ZBTB20: variants seen among roughly 807,000 people sequenced by gnomAD.
The protein encoded by ZBTB20 is zinc finger and BTB domain-containing protein 20.
In ZBTB20, 9 loss-of-function variants were observed where a neutral mutation model predicts 56.9. That is an observed-to-expected ratio of 0.16 (90% CI 0.10 to 0.28). The LOEUF is 0.28. Ranked by LOEUF, ZBTB20 falls within the 10% of genes least tolerant of loss-of-function variation. The pLI, the probability that ZBTB20 is intolerant of heterozygous loss-of-function variation, is 1.00. For missense variants in ZBTB20, 655 were observed against 1,003.0 expected, an observed-to-expected ratio of 0.65 and a Z score of 4.69; for synonymous variants, 417 against 420.7, an observed-to-expected ratio of 0.99 and a Z score of 0.11.
At chr3:115,067,409 T>C (rs1338208165) in intron 2 of ZBTB20, among the ~76,000 whole-genome samples, 2 of 152,012 alleles carry the variant, frequency 1.3e-5, no homozygotes, top group Admixed American at 1.3e-4. Context: ...AATTTATATA[T>C]ATACACACAT....
chr3:114,584,368 A>G (rs1013025595), intron 6 of ZBTB20, among the ~76,000 whole-genome samples: 4 of 152,328 alleles, frequency 2.6e-5, no homozygotes, highest in Middle Eastern at 3.4e-3. Context: ...ACACAAAATC[A>G]TTATGGAAAT....
chr3:114,339,150 C>G lies in ZBTB20; in HGVS notation c.2081G>C (p.Gly694Ala). ...GCCAGCGCGGGCACCTGGGGGTGTG[C>G]CTGCAGGGGGGGTCCCATTGCTGGC... Reference protein sequence around the residue: ...HSASNGTPPAGTPPGARAGPP... With the variant: ...HSASNGTPPAATPPGARAGPP... Residue 694 changes from glycine (G) to alanine (A), a missense_variant, in exon 12 of 12, where the codon GGC becomes GCC. Around this residue, in one of 10 missense-constraint regions of ZBTB20, gnomAD observed 89 missense variants for 79.7 expected, o/e 1.12. Transcript: ENST00000675478. The surrounding 1 kb of genome is among the most constrained non-coding windows in gnomAD (Gnocchi z 4.2). 1 of 1,613,702 alleles carries G rather than the reference C, an allele frequency of 6.2e-7. No homozygotes were observed. The highest frequency in any genetic ancestry group is 8.5e-7 in the Non-Finnish European group (1 of 1,179,636).
chr3:114,706,312 T>C (rs2063713406), intron 5 of ZBTB20, among the ~76,000 whole-genome samples: 1 of 152,148 alleles, frequency 6.6e-6, no homozygotes, highest in Admixed American at 6.5e-5. Flanking sequence ...TTATTGTATA[T>C]TTAAGAAGTC....
At chr3:114,911,517 A>AT (rs938081349) in intron 3 of ZBTB20, among the ~76,000 whole-genome samples, 3 of 152,062 alleles carry the variant, frequency 2.0e-5, no homozygotes, top group African/African-American at 7.2e-5. Context: ...ACCACAAAAT[A>AT]TAATTAGGAA....
At position 114,316,862 on chromosome 3, in the gene ZBTB20, T is replaced by C; in HGVS notation, c.*22143A>G. The C allele has an allele frequency of 4.5e-6, 1 of 223,648 alleles. No homozygotes were observed. The highest frequency in any genetic ancestry group is 5.2e-5 in the South Asian group (1 of 19,248). The allele number at this position is 223,648 out of a possible 1,614,324, so 13.9% of individuals were successfully genotyped here. A position where few individuals can be genotyped will look rare whatever the true frequency, so the allele number is the denominator to read the frequency against. On this transcript the variant is annotated 3_prime_UTR_variant, in exon 12 of 12. Transcript: ENST00000675478. Reference sequence around the variant, plus strand: ...ATGGACATTCTGGACTCCGGGCACCTTAGCAGCAGCAGCAGCACCTTTATG... The same window carrying C: ...ATGGACATTCTGGACTCCGGGCACCCTAGCAGCAGCAGCAGCACCTTTATG...
chr3:114,787,384 CACACACACAT>C (rs1352075641), intron 5 of ZBTB20, among the ~76,000 whole-genome samples: 2 of 144,844 alleles, frequency 1.4e-5, no homozygotes, highest in African/African-American at 5.2e-5. Context: ...CACACACACA[CACACACACAT>C]ATATATACAT....
chr3:114,483,251 T>G (rs552603023), intron 7 of ZBTB20, among the ~76,000 whole-genome samples: 3 of 152,260 alleles, frequency 2.0e-5, no homozygotes, highest in Admixed American at 6.5e-5. Flanking sequence ...CATAATGATG[T>G]CTTCCTCATA....
At chr3:115,017,808 T>C (rs759548080) in intron 2 of ZBTB20, among the ~76,000 whole-genome samples, 1 of 151,540 alleles carries the variant, frequency 6.6e-6, no homozygotes, top group African/African-American at 2.4e-5. Flanking sequence ...GAAGGATGCC[T>C]CATGGATCTT....
chr3:114,799,848 AC>A (rs2071589064), intron 5 of ZBTB20, among the ~76,000 whole-genome samples: 1 of 151,968 alleles, frequency 6.6e-6, no homozygotes, highest in Non-Finnish European at 1.5e-5. Context: ...TCATCGCTTA[AC>A]AAAAATGAAC....
chr3:114,389,296 A>G (rs764548646), intron 7 of ZBTB20, among the ~76,000 whole-genome samples, 191 bp from the exon 8 acceptor site: 3 of 152,116 alleles, frequency 2.0e-5, no homozygotes, highest in Non-Finnish European at 4.4e-5. Context: ...CTCCATTTTC[A>G]GTGCTTTCAC....
chr3:114,892,699 G>A (rs2076863436), intron 4 of ZBTB20, among the ~76,000 whole-genome samples: 1 of 152,148 alleles, frequency 6.6e-6, no homozygotes, highest in Non-Finnish European at 1.5e-5. Flanking sequence ...CCACATGCCA[G>A]CTACAGCTGC....
intron 7 of ZBTB20, among the ~76,000 whole-genome samples, chr3:114,484,577 T>C (rs2041902199): frequency 6.6e-6 from 1 of 152,180 alleles, no homozygotes; most frequent in South Asian, 2.1e-4. Context: ...GATACATACA[T>C]TAAGTTCTGC....
intron 7 of ZBTB20, among the ~76,000 whole-genome samples, chr3:114,419,961 G>A (rs370248486): frequency 1.2e-4 from 19 of 152,264 alleles, no homozygotes; most frequent in African/African-American, 4.6e-4. Context: ...CGCTCTCTGA[G>A]TTAGTGACAG....
intron 2 of ZBTB20, among the ~76,000 whole-genome samples, chr3:114,980,586 A>G (rs2078285963): frequency 6.6e-6 from 1 of 150,704 alleles, no homozygotes; most frequent in Non-Finnish European, 1.5e-5. Flanking sequence ...TCACTCCACC[A>G]TGAGCAGAAA....
intron 1 of ZBTB20, among the ~76,000 whole-genome samples, chr3:115,122,374 A>G (rs986379820): frequency 1.3e-5 from 2 of 152,064 alleles, no homozygotes; most frequent in African/African-American, 4.8e-5. Flanking sequence ...ATGGACAGCG[A>G]CCGTCTAATT....
chr3:114,546,471 TC>T (rs1043708794), intron 6 of ZBTB20, among the ~76,000 whole-genome samples: 1 of 151,976 alleles, frequency 6.6e-6, no homozygotes, highest in African/African-American at 2.4e-5. Context: ...CTTTACCTGT[TC>T]CTCAAGCATT....
intron 6 of ZBTB20, among the ~76,000 whole-genome samples, chr3:114,623,820 TC>T (rs1268058751): frequency 6.7e-6 from 1 of 150,064 alleles, no homozygotes; most frequent in East Asian, 2.0e-4. Context: ...CCTATCTTCC[TC>T]CCCCCAACAA....
chr3:114,699,197 T>G (rs1449730801), intron 5 of ZBTB20, among the ~76,000 whole-genome samples: 1 of 152,142 alleles, frequency 6.6e-6, no homozygotes, highest in Non-Finnish European at 1.5e-5. Flanking sequence ...TGTCTTTCAT[T>G]TCAGTCTTGG....
intron 4 of ZBTB20, among the ~76,000 whole-genome samples, chr3:114,816,572 T>A (rs2072933326): frequency 6.6e-6 from 1 of 152,164 alleles, no homozygotes; most frequent in South Asian, 2.1e-4. Context: ...TTAGAATATA[T>A]GCCAAATGCT....
Sources: allele counts gnomAD v4.1 joint callset (sites outside exome capture counted in the v4.1 genomes callset), GRCh38; gene constraint gnomAD v4.1.1; regional missense constraint gnomAD v4.1.1; non-coding constraint Gnocchi (gnomAD v3.1); transcripts MANE v1.5; gene names NCBI Gene and HGNC (gene_info 2026-07-23, HGNC 2026-07-21).